Variants in QRFPR observed in about 807,000 individuals in gnomAD.
The protein encoded by QRFPR is pyroglutamylated RFamide peptide receptor, also known as pyroglutamylated RF-amide peptide receptor.
In QRFPR, 37 loss-of-function variants were observed where a neutral mutation model predicts 31.3. The observed-to-expected ratio is 1.18, with a 90% CI of 0.91 to 1.56. QRFPR has a LOEUF of 1.56. Among genes scored for constraint, QRFPR ranks in the 40% most tolerant of loss-of-function variants. The probability of loss-of-function intolerance (pLI) is 0.00; values close to 1 mark genes in which losing one functional copy is unlikely to be tolerated. For synonymous variants in QRFPR, 197 were observed against 192.0 expected (o/e 1.03, Z -0.22); for missense variants, 542 against 532.5 (o/e 1.02, Z -0.18).
intron 3 of QRFPR, among the ~76,000 whole-genome samples, chr4:121,333,675 C>T (rs1045180146): frequency 1.3e-5 from 2 of 152,072 alleles, no homozygotes; most frequent in African/African-American, 2.4e-5. Context: ...CTGGTTTATT[C>T]GTACTATTTC....
At chr4:121,377,073 TC>T (rs1364662249) in intron 1 of QRFPR, among the ~76,000 whole-genome samples, 1 of 152,214 alleles carries the variant, frequency 6.6e-6, no homozygotes, top group African/African-American at 2.4e-5. Context: ...AAACTGGAAG[TC>T]CATGAATTAT....
Position 121,329,490 on chromosome 4 carries a change from C to G in QRFPR, c.1120G>C (p.Ala374Pro). 6.2e-7 allele frequency: 1 copy of G among 1,614,162 alleles called. No individual in the cohort carries two copies. Among genetic ancestry groups the G allele is most frequent in the Non-Finnish European group, 8.5e-7 (1 of 1,180,018 alleles). Reference protein sequence around the residue: ...NSGITMMRKKAKFSLRENPVE... With the variant: ...NSGITMMRKKPKFSLRENPVE... ...GGATTCTCTCTGAGGGAAAACTTTG[C>G]TTTCTTCCGCATCATTGTAATTCCT... The change falls in exon 6 of 6, where the codon GCA becomes CCA. Residue 374 changes from alanine to proline, a missense_variant. Coordinates refer to ENST00000394427, the MANE Select transcript of QRFPR (RefSeq NM_198179.3).
Position 121,380,669 on chromosome 4 carries a change from G to A in QRFPR, c.-22C>T, listed in dbSNP as rs746860676. 4 of 1,484,924 alleles carry A rather than the reference G, an allele frequency of 2.7e-6. No individual in the cohort carries two copies. Among genetic ancestry groups the A allele is most frequent in the Non-Finnish European group, 2.7e-6 (3 of 1,113,856 alleles). 92.0% of individuals were successfully genotyped at this position (1,484,924 alleles called of 1,614,324 possible). On this transcript the variant is annotated 5_prime_UTR_variant, in exon 1 of 6. Transcript: ENST00000394427. The stretch of plus-strand genomic sequence containing the variant: ...GCATTGCTGTGCGCTCCCGGGACGC[G>A]GGGCCACCGCCCGCTACTGGCTGGC...
intron 1 of QRFPR, among the ~76,000 whole-genome samples, chr4:121,378,647 T>G (rs1726405792): frequency 6.6e-6 from 1 of 152,026 alleles, no homozygotes; most frequent in Non-Finnish European, 1.5e-5. Flanking sequence ...ATGGTCTCGA[T>G]CTCATGACCT....
At chr4:121,372,093 G>C (rs1726258390) in intron 1 of QRFPR, among the ~76,000 whole-genome samples, 1 of 152,138 alleles carries the variant, frequency 6.6e-6, no homozygotes, top group African/African-American at 2.4e-5. Context: ...GAGCAAGGTG[G>C]GGAGAAAGGA....
intron 2 of QRFPR, among the ~76,000 whole-genome samples, chr4:121,338,942 G>A (rs912485676): frequency 6.6e-6 from 1 of 152,108 alleles, no homozygotes; most frequent in Non-Finnish European, 1.5e-5. Context: ...CCCACATGCT[G>A]TTTTCAGGAG....
intron 3 of QRFPR, among the ~76,000 whole-genome samples, chr4:121,335,899 G>A (rs1005990014): frequency 2.6e-5 from 4 of 152,024 alleles, no homozygotes; most frequent in Admixed American, 1.3e-4. Context: ...AAAGTCCTTA[G>A]ATGCATTTTT....
intron 1 of QRFPR, among the ~76,000 whole-genome samples, chr4:121,347,392 G>A (rs945485771): frequency 1.3e-5 from 2 of 151,988 alleles, no homozygotes; most frequent in Non-Finnish European, 2.9e-5. Flanking sequence ...GATTTCAGAT[G>A]ATAGATATAG....
At chr4:121,334,178 A>G (rs1265180308) in intron 3 of QRFPR, among the ~76,000 whole-genome samples, 1 of 152,326 alleles carries the variant, frequency 6.6e-6, no homozygotes, top group East Asian at 1.9e-4. Flanking sequence ...AGCATGCTGA[A>G]CTGGAAGTCT....
At chr4:121,356,383 G>A (rs1725871046) in intron 1 of QRFPR, among the ~76,000 whole-genome samples, 1 of 152,052 alleles carries the variant, frequency 6.6e-6, no homozygotes, top group South Asian at 2.1e-4. Flanking sequence ...TGTCTGAAAG[G>A]TCACAAATCT....
At chr4:121,336,037 G>A (rs1377676561) in intron 3 of QRFPR, among the ~76,000 whole-genome samples, 1 of 152,134 alleles carries the variant, frequency 6.6e-6, no homozygotes, top group African/African-American at 2.4e-5. Context: ...AGGCTCATTT[G>A]TTATCCTTGA....
chr4:121,373,600 C>T (rs1195596450), intron 1 of QRFPR, among the ~76,000 whole-genome samples: 1 of 152,022 alleles, frequency 6.6e-6, no homozygotes, highest in Admixed American at 6.6e-5. Flanking sequence ...TGTAAATTTC[C>T]CCAAGAACTC....
At chr4:121,376,319 G>A (rs1483344345) in intron 1 of QRFPR, among the ~76,000 whole-genome samples, 1 of 152,202 alleles carries the variant, frequency 6.6e-6, no homozygotes, top group African/African-American at 2.4e-5. Context: ...ATGATGGTAA[G>A]GTGGATGAAA....
rs775913797 is a variant in QRFPR, at chr4:121,329,647, T to TC, written c.962dup (p.Phe322IlefsTer7). 3.1e-6 allele frequency: 5 copies of TC among 1,594,462 alleles called. No individual in the cohort carries two copies. In the African/African-American group the frequency reaches 4.1e-5, roughly 13 times the overall value. ...TGGGATTACAGATGGAGTTGGAAAA[T>TC]CCAATAATTTGCACGATAGCAAAAA... On this transcript the variant is annotated frameshift_variant, in exon 6 of 6. Coordinates refer to ENST00000394427, the MANE Select transcript of QRFPR (RefSeq NM_198179.3). LOFTEE classifies it low-confidence loss of function (END_TRUNC).
intron 1 of QRFPR, among the ~76,000 whole-genome samples, chr4:121,351,679 T>C (rs1324553445): frequency 6.6e-6 from 1 of 152,028 alleles, no homozygotes; most frequent in Admixed American, 6.6e-5. Flanking sequence ...GGAAAAACTT[T>C]AGGCATTAGA....
chr4:121,352,982 C>G (rs1368006041), intron 1 of QRFPR, among the ~76,000 whole-genome samples: 1 of 152,022 alleles, frequency 6.6e-6, no homozygotes, highest in African/African-American at 2.4e-5. Flanking sequence ...TCTTTCTGTG[C>G]CTGCCACATT....
rs557377588 is a variant in QRFPR, at chr4:121,340,289, G to C, written c.499+163C>G. 1.2e-4 allele frequency: 85 copies of C among 697,862 alleles called. No homozygotes were observed. The African/African-American group carries it at 1.4e-3, about 12-fold the overall frequency. 43.2% of individuals were successfully genotyped at this position (697,862 alleles called of 1,614,324 possible). A position where few individuals can be genotyped will look rare whatever the true frequency, so the allele number is the denominator to read the frequency against. On this transcript the variant is annotated intron_variant, in intron 2 of 5. Transcript: ENST00000394427. ...TTGAGGTCAGCCTAAAAGAGAGATG[G>C]TGTGGAGATGAAGGCAAACAGGGAA...
At chr4:121,367,537 T>C (rs10014047) in intron 1 of QRFPR, among the ~76,000 whole-genome samples, 1 of 150,212 alleles carries the variant, frequency 6.7e-6, no homozygotes, top group African/African-American at 2.5e-5. Context: ...GTTTTTACAG[T>C]TGCTTTGTAA....
chr4:121,352,313 T>G (rs1725776022), intron 1 of QRFPR, among the ~76,000 whole-genome samples: 1 of 152,102 alleles, frequency 6.6e-6, no homozygotes. Flanking sequence ...TTCCACTGGA[T>G]TTCTTTATCC....
Sources: gnomAD v4.1 joint callset for allele counts (sites outside exome capture counted in the v4.1 genomes callset) on GRCh38, gnomAD v4.1.1 for gene constraint, MANE v1.5 for transcripts, NCBI Gene and HGNC (gene_info 2026-07-23, HGNC 2026-07-21) for gene names.